Variants in ZC3HAV1 observed in about 807,000 individuals in gnomAD.
The protein encoded by ZC3HAV1 is zinc finger CCCH-type antiviral protein 1.
A neutral mutation model predicts 86.6 loss-of-function variants in ZC3HAV1; 41 were observed. The observed-to-expected ratio is 0.47, with a 90% confidence interval of 0.37 to 0.61. The LOEUF (loss-of-function observed/expected upper bound fraction) is 0.61, where lower values mean the gene tolerates loss of function less well. Ranked by LOEUF, ZC3HAV1 falls within the 20% of genes least tolerant of loss-of-function variation. The pLI is 0.00. For synonymous variants in ZC3HAV1, 421 were observed against 432.1 expected (o/e 0.97, Z 0.32); for missense variants, 964 against 1,141.1 (o/e 0.84, Z 2.24).
chr7:139,068,024 TTTATTATTATTATTATTA>T (rs142686573), intron 7 of ZC3HAV1, among the ~76,000 whole-genome samples: 124 of 142,076 alleles, frequency 8.7e-4, no homozygotes, highest in African/African-American at 2.8e-3. Context: ...TCTTTCTTTC[TTTATTATTATTATTATTA>T]TTATTATTAT....
In ZC3HAV1 at chr7:139,078,650, G is replaced by T. The variant is rs1817029402; in HGVS notation, c.1475C>A (p.Ser492Tyr). 1 of 1,562,380 alleles carries T rather than the reference G, an allele frequency of 6.4e-7. No homozygotes were observed. Among genetic ancestry groups the T allele is most frequent in the African/African-American group, 1.4e-5 (1 of 71,122 alleles). The change falls in exon 5 of 13, where the codon TCT (serine) becomes TAT (tyrosine). Residue 492 changes from serine (S) to tyrosine (Y), a missense_variant. Physicochemically the swap from Ser to Tyr is moderately radical, Grantham distance 144. Transcript: ENST00000242351. ...TGTGGTACTTGTGACATCAGATAAA[G>T]AATCTATGAAACAAAAAAGGATGCA... is the stretch of plus-strand genomic sequence containing the variant. ...ADPRVALVND[S>Y]LSDVTSTTSS... is the part of the protein sequence containing the mutation.
Position 139,046,646 on chromosome 7 carries a change from T to C in ZC3HAV1, c.*948A>G, listed in dbSNP as rs1422437417. On this transcript the variant is annotated 3_prime_UTR_variant, in exon 13 of 13. Transcript: ENST00000242351. ...ATGGAGTTTGTCCCCTAAATAAATG[T>C]AGCGATAAAGAAAAGGGTGCTCCAA... 1 of 152,188 alleles carries C rather than the reference T, an allele frequency of 6.6e-6. No individual in the cohort carries two copies. The highest frequency in any genetic ancestry group is 1.5e-5 in the Non-Finnish European group (1 of 68,042). 9.4% of individuals were successfully genotyped at this position (152,188 alleles called of 1,614,324 possible). A position where few individuals can be genotyped will look rare whatever the true frequency, so the allele number is the denominator to read the frequency against.
chr7:139,084,404 C>T (rs1245510826), intron 2 of ZC3HAV1, among the ~76,000 whole-genome samples: 2 of 152,224 alleles, frequency 1.3e-5, no homozygotes, highest in Non-Finnish European at 2.9e-5. Flanking sequence ...GTCTTACCTG[C>T]AACTGTTTGG....
At chr7:139,090,141 G>A (rs2130720186) in intron 1 of ZC3HAV1, among the ~76,000 whole-genome samples, 1 of 152,164 alleles carries the variant, frequency 6.6e-6, no homozygotes, top group South Asian at 2.1e-4. Context: ...GGCTGGTCTT[G>A]AACTCCTGAC....
chr7:139,055,624 C>T (rs1816261007), intron 9 of ZC3HAV1, among the ~76,000 whole-genome samples: 1 of 152,148 alleles, frequency 6.6e-6, no homozygotes, highest in African/African-American at 2.4e-5. Flanking sequence ...TGTCTTACAG[C>T]TTCTTGGTCA....
In ZC3HAV1 at chr7:139,044,420, A is replaced by G. The variant is rs1815901483; in HGVS notation, c.*3174T>C. On this transcript the variant is annotated 3_prime_UTR_variant, in exon 13 of 13. Coordinates refer to ENST00000242351, the MANE Select transcript of ZC3HAV1 (RefSeq NM_020119.4). Reference sequence around the variant, plus strand: ...CATGCCTGAGCGTTTACATAATGAAATTCATCTTCTTTTCATTATAAATTT... The same window carrying G: ...CATGCCTGAGCGTTTACATAATGAAGTTCATCTTCTTTTCATTATAAATTT... 6.6e-6 allele frequency: 1 copy of G among 152,324 alleles called. No individual in the cohort carries two copies. Among genetic ancestry groups the G allele is most frequent in the East Asian group, 1.9e-4 (1 of 5,188 alleles). The allele number at this position is 152,324 out of a possible 1,614,324, so 9.4% of individuals were successfully genotyped here. A position where few individuals can be genotyped will look rare whatever the true frequency, so the allele number is the denominator to read the frequency against.
At chr7:139,053,653 C>G (rs1816200741) in intron 11 of ZC3HAV1, 72 bp from the exon 12 acceptor site, 2 of 1,485,914 alleles carry the variant, frequency 1.3e-6, no homozygotes, top group Non-Finnish European at 1.8e-6. Flanking sequence ...TTAATCCCAG[C>G]TAAAGTCTAA....
chr7:139,048,110 G>T (rs1816013639), intron 12 of ZC3HAV1, among the ~76,000 whole-genome samples: 1 of 152,178 alleles, frequency 6.6e-6, no homozygotes. Context: ...GAGCCATTGG[G>T]TGCAATGACC....
rs1818046651 is a variant in ZC3HAV1, at chr7:139,109,506, G to A, written c.-175C>T. The A allele has an allele frequency of 3.8e-6, 3 of 795,328 alleles. No individual in the cohort carries two copies. The highest frequency in any genetic ancestry group is 3.8e-5 in the South Asian group (2 of 52,202). The allele number at this position is 795,328 out of a possible 1,614,324, so 49.3% of individuals were successfully genotyped here. A position where few individuals can be genotyped will look rare whatever the true frequency, so the allele number is the denominator to read the frequency against. Reference sequence around the variant, plus strand: ...TAGCCCAGCCCAGCGATCCACTCTCGGCTCTCAGGTCAAGAGGCTAGATCT... The same window carrying A: ...TAGCCCAGCCCAGCGATCCACTCTCAGCTCTCAGGTCAAGAGGCTAGATCT... On this transcript the variant is annotated 5_prime_UTR_variant, in exon 1 of 13. Coordinates refer to ENST00000242351, the MANE Select transcript of ZC3HAV1 (RefSeq NM_020119.4).
Position 139,055,229 on chromosome 7 carries a change from G to A in ZC3HAV1, c.2163C>T (p.Cys721=). ...CCTTATATTTCTTTGAGGATAGGAA[G>A]CAAAAGTCCTCCTGAGGACGAAAGG... The part of the protein sequence containing the change: ...TATFRPQEDF[C]FLSSKKYKLS... Residue 721 remains cysteine (C), a synonymous_variant, in exon 10 of 13, where the codon TGC becomes TGT. Coordinates refer to ENST00000242351, the MANE Select transcript of ZC3HAV1 (RefSeq NM_020119.4). The A allele has an allele frequency of 6.2e-7, 1 of 1,613,056 alleles. No homozygotes were observed. Among genetic ancestry groups the A allele is most frequent in the Non-Finnish European group, 8.5e-7 (1 of 1,179,430 alleles).
Position 139,079,006 on chromosome 7 carries a change from C to G in ZC3HAV1, c.1472-353G>C. The G allele has an allele frequency of 2.0e-6, 3 of 1,472,950 alleles. No homozygotes were observed. The South Asian group carries it at 3.9e-5, about 19-fold the overall frequency. The allele number at this position is 1,472,950 out of a possible 1,614,324, so 91.2% of individuals were successfully genotyped here. On this transcript the variant is annotated intron_variant, in intron 4 of 12. Transcript: ENST00000242351. ...AACCAAAACCCTCTAACTCTCTACC[C>G]TTTAAGAACTGGGGAACATCCAAGG...
intron 2 of ZC3HAV1, among the ~76,000 whole-genome samples, chr7:139,089,346 T>C (rs899086399): frequency 6.6e-6 from 1 of 152,152 alleles, no homozygotes; most frequent in African/African-American, 2.4e-5. Context: ...ATTTAAAGCA[T>C]CAAGTAGTCT....
intron 1 of ZC3HAV1, among the ~76,000 whole-genome samples, chr7:139,104,969 G>T (rs1817888104): frequency 6.8e-6 from 1 of 147,636 alleles, no homozygotes; most frequent in African/African-American, 2.5e-5. Flanking sequence ...GGAGGCGGAG[G>T]TTGCAGCGAG....
At chr7:139,096,101 G>A (rs1211445165) in intron 1 of ZC3HAV1, among the ~76,000 whole-genome samples, 1 of 151,986 alleles carries the variant, frequency 6.6e-6, no homozygotes, top group Admixed American at 6.6e-5. Flanking sequence ...CGCAACCTCC[G>A]CCTCCCGGGT....
At chr7:139,059,008 TA>T (rs71657780) in intron 9 of ZC3HAV1, among the ~76,000 whole-genome samples, 38,052 of 149,348 alleles carry the variant, frequency 0.25, 5,495 homozygotes, top group East Asian at 0.44. Context: ...ACCGGAACTT[TA>T]AAAAAAAAAA....
At chr7:139,079,080 C>T (rs781509583) in intron 4 of ZC3HAV1, 3 of 1,535,106 alleles carry the variant, frequency 2.0e-6, no homozygotes, top group African/African-American at 2.7e-5. Context: ...GACACAGAGG[C>T]CCCTTTGTCC....
intron 1 of ZC3HAV1, among the ~76,000 whole-genome samples, chr7:139,093,468 A>G (rs1031447564): frequency 5.3e-5 from 8 of 152,182 alleles, no homozygotes; most frequent in Non-Finnish European, 7.3e-5. Context: ...TGTGACCTGC[A>G]CGTATACATC....
chr7:139,047,972 G>T, intron 12 of ZC3HAV1, 119 bp from the exon 13 acceptor site: 2 of 1,048,600 alleles, frequency 1.9e-6, no homozygotes, highest in Non-Finnish European at 2.7e-6. Context: ...ATACCTTACT[G>T]ATATTTATAA....
intron 8 of ZC3HAV1, among the ~76,000 whole-genome samples, chr7:139,063,549 C>A (rs575440287): frequency 6.6e-6 from 1 of 151,610 alleles, no homozygotes; most frequent in African/African-American, 2.4e-5. Context: ...AAGTGAGATC[C>A]CCATCTGTAC....
Sources: allele counts gnomAD v4.1 joint callset (sites outside exome capture counted in the v4.1 genomes callset), GRCh38; gene constraint gnomAD v4.1.1; transcripts MANE v1.5; gene names NCBI Gene and HGNC (gene_info 2026-07-23, HGNC 2026-07-21).